The following ITPR1 variants were observed in gnomAD, a reference collection of about 807,000 sequenced individuals.
ITPR1 encodes inositol 1,4,5-trisphosphate receptor type 1.
In ITPR1, 96 loss-of-function variants were observed where a neutral mutation model predicts 318.4. The observed-to-expected ratio is 0.30, with a 90% confidence interval of 0.26 to 0.36. ITPR1 has a LOEUF of 0.36. ITPR1 is among the 10% of genes least tolerant of loss of function. ITPR1 has a pLI of 1.00. For synonymous variants in ITPR1, 1,312 were observed against 1,289.9 expected (o/e 1.02, Z -0.37); for missense variants, 2,440 against 3,460.2 (o/e 0.71, Z 7.40).
intron 24 of ITPR1, among the ~76,000 whole-genome samples, chr3:4,678,104 T>C (rs2094220667): frequency 6.6e-6 from 1 of 152,154 alleles, no homozygotes; most frequent in East Asian, 1.9e-4. Context: ...GTTTAAGATC[T>C]GGGGGTTTTA....
intron 16 of ITPR1, among the ~76,000 whole-genome samples, chr3:4,664,036 T>C (rs980024964): frequency 2.0e-5 from 3 of 152,258 alleles, no homozygotes; most frequent in African/African-American, 7.2e-5. Flanking sequence ...TGTGAGAGTT[T>C]ACCTGTTAGG....
chr3:4,656,992 A>G (rs1366315562), intron 12 of ITPR1, among the ~76,000 whole-genome samples: 2 of 152,182 alleles, frequency 1.3e-5, no homozygotes, highest in Non-Finnish European at 2.9e-5. Flanking sequence ...GGAGCCTAGA[A>G]TATGCTTTTT....
chr3:4,644,099 GT>G, intron 7 of ITPR1, 36 bp from the exon 8 acceptor site: 1 of 1,422,818 alleles, frequency 7.0e-7, no homozygotes, highest in East Asian at 2.3e-5. Context: ...GTCCTTATCA[GT>G]TTTGTGCAAA....
intron 4 of ITPR1, among the ~76,000 whole-genome samples, chr3:4,611,746 A>G (rs2461517): frequency 0.071 from 10,850 of 152,060 alleles, 1,244 homozygotes; most frequent in African/African-American, 0.24. Context: ...CTTCTCTCAA[A>G]AAATAAACGA....
chr3:4,837,250 A>G (rs1021644374), intron 61 of ITPR1, among the ~76,000 whole-genome samples: 3 of 152,194 alleles, frequency 2.0e-5, no homozygotes, highest in Non-Finnish European at 4.4e-5. Flanking sequence ...ACCACTATGC[A>G]TAAAGCCATA....
At chr3:4,546,108 G>A (rs1290977289) in intron 4 of ITPR1, among the ~76,000 whole-genome samples, 6 of 152,164 alleles carry the variant, frequency 3.9e-5, no homozygotes, top group East Asian at 3.8e-4. Flanking sequence ...TTGAGACAAC[G>A]TCAGGTACAT....
chr3:4,770,384 T>C (rs1559867277), intron 46 of ITPR1, among the ~76,000 whole-genome samples: 1 of 152,336 alleles, frequency 6.6e-6, no homozygotes, highest in East Asian at 1.9e-4. Context: ...TAATACCTTC[T>C]ATAGTTGTTT....
intron 7 of ITPR1, among the ~76,000 whole-genome samples, chr3:4,643,849 A>T (rs2093393928): frequency 6.6e-6 from 1 of 151,972 alleles, no homozygotes; most frequent in Admixed American, 6.6e-5. Context: ...AGGTACCTTA[A>T]ACTGAACAGT....
At chr3:4,783,986 T>C in intron 51 of ITPR1, 66 bp downstream of exon 51, 1 of 1,098,658 alleles carries the variant, frequency 9.1e-7, no homozygotes, top group South Asian at 1.5e-5. Flanking sequence ...TGCCCTGCTC[T>C]GGGGCTGGCG....
intron 23 of ITPR1, 83 bp downstream of exon 23, chr3:4,675,331 G>A: frequency 2.2e-6 from 2 of 916,664 alleles, no homozygotes; most frequent in Non-Finnish European, 1.6e-6. Context: ...TATATGTGAT[G>A]CCACATCCTT....
At chr3:4,783,241 G>T (rs2046946446) in intron 50 of ITPR1, among the ~76,000 whole-genome samples, 1 of 152,092 alleles carries the variant, frequency 6.6e-6, no homozygotes, top group Non-Finnish European at 1.5e-5. Context: ...CTTCCAAGCG[G>T]CTGGGTTTTT....
chr3:4,616,218 C>T (rs2092383455), intron 4 of ITPR1, among the ~76,000 whole-genome samples: 1 of 152,134 alleles, frequency 6.6e-6, no homozygotes, highest in Non-Finnish European at 1.5e-5. Flanking sequence ...CTTGACTATC[C>T]ATTCATTTAT....
At position 4,688,557 on chromosome 3, in the gene ITPR1, C is replaced by T. The variant is rs140402012; in HGVS notation, c.3765C>T (p.Cys1255=). 201 of 1,613,932 alleles carry T rather than the reference C, an allele frequency of 1.2e-4. No individual in the cohort carries two copies. In the African/African-American group the frequency reaches 2.2e-3, roughly 17 times the overall value. The change falls in exon 31 of 62, where the codon TGC becomes TGT. Residue 1255 remains cysteine (C), a synonymous_variant. Transcript: ENST00000649015. ...RLAHEFLQNF[C]AGNQQNQALL... ...CTCATGAATTTTTGCAGAATTTCTGCGCAGGCAACCAGCAGAATCAAGCTT... is the reference window on the plus strand; with the variant it reads ...CTCATGAATTTTTGCAGAATTTCTGTGCAGGCAACCAGCAGAATCAAGCTT...
chr3:4,695,160 T>C (rs2125252138), intron 33 of ITPR1, among the ~76,000 whole-genome samples: 1 of 152,326 alleles, frequency 6.6e-6, no homozygotes, highest in South Asian at 2.1e-4. Context: ...AATGAGATAA[T>C]AATGAATAAT....
Position 4,699,842 on chromosome 3 carries a change from T to G in ITPR1, c.4437T>G (p.His1479Gln). ...GTAACAACACTAGTGACAGGAAACA[T>G]GCAGACTCGATTTTGGAGAAGTATG... Reference protein sequence around the residue: ...RACNNTSDRKHADSILEKYVT... With the variant: ...RACNNTSDRKQADSILEKYVT... The change falls in exon 35 of 62, where the codon CAT (histidine) becomes CAG (glutamine). Residue 1479 changes from histidine (H) to glutamine (Q), a missense_variant. By Grantham distance (24) the His-to-Gln change is conservative. Coordinates refer to ENST00000649015, the MANE Select transcript of ITPR1 (RefSeq NM_001378452.1). 2 of 1,613,932 alleles carry G rather than the reference T, an allele frequency of 1.2e-6. No individual in the cohort carries two copies. Among genetic ancestry groups the G allele is most frequent in the Non-Finnish European group, 1.7e-6 (2 of 1,179,836 alleles).
chr3:4,702,979 G>C, intron 36 of ITPR1, 29 bp downstream of exon 36: 1 of 1,602,338 alleles, frequency 6.2e-7, no homozygotes, highest in Non-Finnish European at 8.5e-7. Flanking sequence ...TTGGATATAC[G>C]TGATGAAAAT....
chr3:4,619,588 C>G (rs1251211823), intron 4 of ITPR1, among the ~76,000 whole-genome samples: 1 of 86,060 alleles, frequency 1.2e-5, no homozygotes, highest in Non-Finnish European at 2.3e-5. Flanking sequence ...CCCCCTTCCC[C>G]TGCCCTCCCC....
intron 60 of ITPR1, among the ~76,000 whole-genome samples, chr3:4,825,231 A>C (rs549922568): frequency 1.3e-5 from 2 of 152,070 alleles, no homozygotes; most frequent in Non-Finnish European, 2.9e-5. Flanking sequence ...GAGATTTTCC[A>C]GTTTGTTCCA....
Position 4,515,108 on chromosome 3 carries a change from G to T in ITPR1, c.-16-1368G>T. Among the ~76,000 whole-genome samples the T allele has an allele frequency of 1.3e-5, 2 of 152,158 alleles. 1 individual carries two copies. Among genetic ancestry groups the T allele is most frequent in the Non-Finnish European group, 2.9e-5 (2 of 68,030 alleles). ...GCTCTTTATCTCTCCTGCAATGTCT[G>T]GGTTGTTGGAGGGGAGGGAAGGGGA... is the stretch of plus-strand genomic sequence containing the variant. On this transcript the variant is annotated intron_variant, in intron 2 of 61. Transcript: ENST00000649015.
Sources: allele counts gnomAD v4.1 joint callset (sites outside exome capture counted in the v4.1 genomes callset), GRCh38; gene constraint gnomAD v4.1.1; transcripts MANE v1.5; gene names NCBI Gene and HGNC (gene_info 2026-07-23, HGNC 2026-07-21).